The following VPS13C variants were observed in gnomAD, a reference collection of about 807,000 sequenced individuals.
VPS13C encodes vacuolar protein sorting 13 homolog C, also known as intermembrane lipid transfer protein VPS13C.
A neutral mutation model predicts 456.8 loss-of-function variants in VPS13C; 358 were observed. The observed-to-expected ratio is 0.78, with a 90% CI of 0.72 to 0.86. The LOEUF is 0.86. Ranked by LOEUF, VPS13C falls within the 40% of genes least tolerant of loss-of-function variation. The probability of loss-of-function intolerance (pLI) is 0.00; values close to 1 mark genes in which losing one functional copy is unlikely to be tolerated. For synonymous variants in VPS13C, 1,578 were observed against 1,486.7 expected (o/e 1.06, Z -1.41); for missense variants, 4,818 against 4,385.4 (o/e 1.10, Z -2.79).
chr15:61,993,838 C>T (rs1381646172), intron 16 of VPS13C, among the ~76,000 whole-genome samples: 3 of 152,010 alleles, frequency 2.0e-5, no homozygotes, highest in Non-Finnish European at 4.4e-5. Context: ...ATGTCAAATT[C>T]TTGGTTTTGG....
At position 61,925,439 on chromosome 15, in the gene VPS13C, A is replaced by C; in HGVS notation, c.6609+17T>G. The C allele has an allele frequency of 1.4e-6, 2 of 1,432,378 alleles. No homozygotes were observed. The highest frequency in any genetic ancestry group is 1.9e-6 in the Non-Finnish European group (2 of 1,060,296). 88.7% of individuals were successfully genotyped at this position (1,432,378 alleles called of 1,614,324 possible). A position where few individuals can be genotyped will look rare whatever the true frequency, so the allele number is the denominator to read the frequency against. The stretch of plus-strand genomic sequence containing the variant: ...AAAAATAAGAATTTTCACTCAAAGA[A>C]TATGGTAAGTACTAACCTTAATTAT... On this transcript the variant is annotated intron_variant, in intron 53 of 84. Transcript: ENST00000644861.
chr15:61,962,777 T>A lies in VPS13C; in HGVS notation c.3407A>T (p.Asp1136Val), dbSNP rs1456610375. ...FARLENIIVT[D>V]VDPKTVHKKA... ...CTTATGAACTGTCTTTGGATCAACA[T>A]CTGTGACAATAATATTTTCTAGTCG... Residue 1136 changes from aspartate (D) to valine (V), a missense_variant, in exon 33 of 85, where the codon GAT (aspartate) becomes GTT (valine). This residue lies in a region of VPS13C where 4,552 missense variants were observed against 4,130.6 expected (regional missense o/e 1.10). Coordinates refer to ENST00000644861, the MANE Select transcript of VPS13C (RefSeq NM_020821.3). 5.0e-6 allele frequency: 8 copies of A among 1,607,094 alleles called. No homozygotes were observed. Among genetic ancestry groups the A allele is most frequent in the Non-Finnish European group, 6.8e-6 (8 of 1,175,656 alleles).
chr15:62,000,960 T>C (rs1344398063), intron 15 of VPS13C, among the ~76,000 whole-genome samples: 1 of 152,236 alleles, frequency 6.6e-6, no homozygotes, highest in Non-Finnish European at 1.5e-5. Context: ...CTTATGATTC[T>C]TACTTCTAAC....
At chr15:61,897,769 T>C (rs937567855) in intron 66 of VPS13C, among the ~76,000 whole-genome samples, 7 of 151,814 alleles carry the variant, frequency 4.6e-5, no homozygotes, top group Non-Finnish European at 8.8e-5. Context: ...AAGATACTCC[T>C]CGAGAAGAGC....
At chr15:61,961,408 C>T (rs994836615) in intron 35 of VPS13C, among the ~76,000 whole-genome samples, 181 bp downstream of exon 35, 4 of 123,804 alleles carry the variant, frequency 3.2e-5, no homozygotes, top group African/African-American at 1.3e-4. Flanking sequence ...CACACACACA[C>T]ACACACACAC....
At chr15:61,985,164 A>C (rs1226626502) in intron 18 of VPS13C, among the ~76,000 whole-genome samples, 165 bp from the exon 19 acceptor site, 1 of 152,238 alleles carries the variant, frequency 6.6e-6, no homozygotes, top group Non-Finnish European at 1.5e-5. Context: ...CTTCATTTAC[A>C]AATTTATTCA....
intron 29 of VPS13C, among the ~76,000 whole-genome samples, chr15:61,966,558 T>G (rs112985018): frequency 2.8e-4 from 42 of 151,966 alleles, no homozygotes; most frequent in African/African-American, 1.0e-3. Context: ...TTTAATGAGG[T>G]CTTCACATTG....
Position 61,986,076 on chromosome 15 carries a change from T to C in VPS13C, c.1579-1077A>G, listed in dbSNP as rs144882237. 5.4e-3 allele frequency among the ~76,000 whole-genome samples: 818 copies of C among 151,008 alleles called. 7 individuals are homozygous for C. The highest frequency in any genetic ancestry group is 0.01 in the Middle Eastern group (3 of 294). Reference sequence around the variant, plus strand: ...CTACAGTAACACTGATTGGTGCACATATACACATACACACACACTCTCACA... The same window carrying C: ...CTACAGTAACACTGATTGGTGCACACATACACATACACACACACTCTCACA... On this transcript the variant is annotated intron_variant, in intron 18 of 84. Transcript: ENST00000644861.
At chr15:61,861,432 T>C (rs138908709) in intron 82 of VPS13C, among the ~76,000 whole-genome samples, 1 of 152,280 alleles carries the variant, frequency 6.6e-6, no homozygotes, top group African/African-American at 2.4e-5. Flanking sequence ...AAACAAAAGG[T>C]TGAGAAACAC....
At chr15:61,926,609 C>T (rs1388778591) in intron 52 of VPS13C, among the ~76,000 whole-genome samples, 2 of 152,122 alleles carry the variant, frequency 1.3e-5, no homozygotes, top group Admixed American at 6.5e-5. Flanking sequence ...ATTATCAATA[C>T]TAGAAAATAA....
At chr15:62,011,444 T>A (rs1184954625) in intron 12 of VPS13C, among the ~76,000 whole-genome samples, 1 of 152,070 alleles carries the variant, frequency 6.6e-6, no homozygotes, top group African/African-American at 2.4e-5. Context: ...GTGCCAACTA[T>A]TATCCAGCGT....
At chr15:61,919,197 T>G in intron 58 of VPS13C, 92 bp downstream of exon 58, 1 of 1,253,330 alleles carries the variant, frequency 8.0e-7, no homozygotes, top group South Asian at 1.5e-5. Context: ...AGAATTGACC[T>G]GATGAAGTTT....
At chr15:62,056,931 G>C (rs2048822062) in intron 1 of VPS13C, among the ~76,000 whole-genome samples, 1 of 152,130 alleles carries the variant, frequency 6.6e-6, no homozygotes, top group African/African-American at 2.4e-5. Flanking sequence ...CATTGGAGAT[G>C]ACCCACACTC....
intron 6 of VPS13C, among the ~76,000 whole-genome samples, chr15:62,026,380 A>G (rs192182942): frequency 0.011 from 1,634 of 152,150 alleles, 46 homozygotes; most frequent in Non-Finnish European, 0.01. Flanking sequence ...TTTAATATCA[A>G]AAGTCACATC....
At chr15:61,974,248 C>T in intron 25 of VPS13C, 40 bp downstream of exon 25, 3 of 1,565,980 alleles carry the variant, frequency 1.9e-6, no homozygotes, top group South Asian at 2.4e-5. Flanking sequence ...TGCTCTAAAA[C>T]AATAAAAATA....
intron 32 of VPS13C, among the ~76,000 whole-genome samples, chr15:61,963,231 C>T (rs2045270299): frequency 6.6e-6 from 1 of 151,922 alleles, no homozygotes; most frequent in Non-Finnish European, 1.5e-5. Context: ...AAAAAAGCCC[C>T]TAGTTTTCTA....
intron 53 of VPS13C, among the ~76,000 whole-genome samples, chr15:61,923,419 G>T (rs2043728138): frequency 6.6e-6 from 1 of 151,978 alleles, no homozygotes; most frequent in Admixed American, 6.6e-5. Context: ...CGCCCTCTCA[G>T]CCTACACTCC....
chr15:61,888,474 A>C (rs1200512121), intron 67 of VPS13C, among the ~76,000 whole-genome samples: 1 of 152,204 alleles, frequency 6.6e-6, no homozygotes, highest in Non-Finnish European at 1.5e-5. Flanking sequence ...ATGGATAAAC[A>C]AACTGGAGTA....
At chr15:62,024,842 G>T (rs1198210265) in intron 6 of VPS13C, among the ~76,000 whole-genome samples, 2 of 151,908 alleles carry the variant, frequency 1.3e-5, no homozygotes, top group Admixed American at 6.6e-5. Context: ...ACTTTCTAAT[G>T]CCTAATGCCT....
Sources: gnomAD v4.1 joint callset for allele counts (sites outside exome capture counted in the v4.1 genomes callset) on GRCh38, gnomAD v4.1.1 for gene constraint, gnomAD v4.1.1 regional missense constraint, MANE v1.5 for transcripts, NCBI Gene and HGNC (gene_info 2026-07-23, HGNC 2026-07-21) for gene names.